Variants in CMPK2 observed in about 807,000 individuals in gnomAD.
The protein encoded by CMPK2 is UMP-CMP kinase 2, mitochondrial.
A neutral mutation model predicts 33.4 loss-of-function variants in CMPK2; 32 were observed. The ratio of observed to expected loss-of-function variants is 0.96; its 90% confidence interval spans 0.72 to 1.29. The LOEUF (loss-of-function observed/expected upper bound fraction) is 1.29. Among genes scored for constraint, CMPK2 ranks in the 50% most tolerant of loss-of-function variants. CMPK2 has a pLI of 0.00. For synonymous variants in CMPK2, 299 were observed against 275.3 expected (o/e 1.09, Z -0.85); for missense variants, 672 against 616.0 (o/e 1.09, Z -0.96).
At chr2:6,862,806 C>A (rs1388717123) in intron 2 of CMPK2, among the ~76,000 whole-genome samples, 3 of 152,200 alleles carry the variant, frequency 2.0e-5, no homozygotes, top group Admixed American at 2.0e-4. Context: ...GTCTGTACCC[C>A]TCAAGTTTAC....
rs749347074 is a variant in CMPK2 at position 6,849,868 on chromosome 2, A to G, written c.1332T>C (p.Asn444=). 18 of 1,613,894 alleles carry G rather than the reference A, an allele frequency of 1.1e-5. No homozygotes were observed. The highest frequency in any genetic ancestry group is 5.3e-5 in the African/African-American group (4 of 74,920). The change falls in exon 5 of 5, where the codon AAT becomes AAC. Residue 444 remains asparagine (N), a synonymous_variant. Transcript: ENST00000256722. The part of the protein sequence containing the change: ...VLQTVLSLIQ[N]SFSEP ...AGAGTAACTACGGTTCACTAAAACT[A>G]TTCTGGATTAGGCTTAATACCGTCT... is the stretch of plus-strand genomic sequence containing the variant.
downstream of CMPK2, among the ~76,000 whole-genome samples, chr2:6,847,907 G>C (rs567496668): frequency 6.6e-6 from 1 of 152,298 alleles, no homozygotes; most frequent in East Asian, 1.9e-4. Context: ...AAGAAAGGAA[G>C]AATAAATTTT....
intron 3 of CMPK2, among the ~76,000 whole-genome samples, chr2:6,853,092 G>A (rs1310653136): frequency 1.3e-5 from 2 of 152,102 alleles, no homozygotes; most frequent in Non-Finnish European, 2.9e-5. Flanking sequence ...TGGGATTACA[G>A]GCATGCACCA....
intron 4 of CMPK2, among the ~76,000 whole-genome samples, chr2:6,850,218 T>A (rs916217608): frequency 7.9e-5 from 12 of 152,190 alleles, no homozygotes; most frequent in Non-Finnish European, 1.8e-4. Context: ...GCATTTTGCA[T>A]GATTTTTCTC....
At chr2:6,861,093 T>TACACACAC (rs1299249257) in intron 3 of CMPK2, 91 bp downstream of exon 3, 107 of 235,406 alleles carry the variant, frequency 4.5e-4, no homozygotes, top group Middle Eastern at 1.3e-3. Context: ...CATGTACGTA[T>TACACACAC]ACACACACAC....
rs1457503878 is a variant in CMPK2 at position 6,861,402 on chromosome 2, A to G, written c.791-17T>C. 2.5e-6 allele frequency: 4 copies of G among 1,600,116 alleles called. No homozygotes were observed. Among genetic ancestry groups the G allele is most frequent in the African/African-American group, 1.3e-5 (1 of 74,640 alleles). ...TGGTTTTACCTGCAGGTCATACACA[A>G]AATATATACATCTTAACCACAGCCC... On this transcript the variant is annotated splice_polypyrimidine_tract_variant and intron_variant, in intron 2 of 4. Coordinates refer to ENST00000256722, the MANE Select transcript of CMPK2 (RefSeq NM_207315.4).
Position 6,865,016 on chromosome 2 carries a change from T to C in CMPK2, c.675+6A>G. 7.0e-7 allele frequency: 1 copy of C among 1,419,208 alleles called. No individual in the cohort carries two copies. The allele number at this position is 1,419,208 out of a possible 1,614,324, so 87.9% of individuals were successfully genotyped here. A position where few individuals can be genotyped will look rare whatever the true frequency, so the allele number is the denominator to read the frequency against. On this transcript the variant is annotated splice_donor_region_variant and intron_variant, in intron 1 of 4. Transcript: ENST00000256722. ...GCTGGGAGCTGGAAGCGGACAGAAC[T>C]CTTACCTCCTCCAAAACGGCCCGGG...
intron 3 of CMPK2, among the ~76,000 whole-genome samples, chr2:6,842,987 C>A (rs1662269041): frequency 6.6e-6 from 1 of 152,128 alleles, no homozygotes; most frequent in Non-Finnish European, 1.5e-5. Context: ...AGCCTCAGTG[C>A]ATTTTTGAGA....
intron 3 of CMPK2, among the ~76,000 whole-genome samples, chr2:6,858,768 G>A (rs1055254417): frequency 3.3e-5 from 5 of 152,320 alleles, no homozygotes; most frequent in South Asian, 2.1e-4. Context: ...TCTCGTGTAC[G>A]TCTTTATCAG....
At position 6,848,340 on chromosome 2, in the gene CMPK2, T is replaced by G; in HGVS notation, c.*1510A>C. 1 of 985,044 alleles carries G rather than the reference T, an allele frequency of 1.0e-6. No homozygotes were observed. The highest frequency in any genetic ancestry group is 1.2e-6 in the Non-Finnish European group (1 of 829,556). The allele number at this position is 985,044 out of a possible 1,614,324, so 61.0% of individuals were successfully genotyped here. ...ATAGATTAGTAAACCACAGCAAAGTTTATTCATGTGCCAGGGACATAAAGA... is the reference window on the plus strand; with the variant it reads ...ATAGATTAGTAAACCACAGCAAAGTGTATTCATGTGCCAGGGACATAAAGA... On this transcript the variant is annotated 3_prime_UTR_variant, in exon 5 of 5. Coordinates refer to ENST00000256722, the MANE Select transcript of CMPK2 (RefSeq NM_207315.4).
Position 6,851,430 on chromosome 2 carries a change from C to T in CMPK2, c.1226+20G>A. On this transcript the variant is annotated intron_variant, in intron 4 of 4. Transcript: ENST00000256722. ...TCAGGAATGCCTGCCGCTCACATTG[C>T]ATTGCACTGGGACACCTACTTTTGA... The T allele has an allele frequency of 6.2e-7, 1 of 1,614,140 alleles. No homozygotes were observed. Among genetic ancestry groups the T allele is most frequent in the East Asian group, 2.2e-5 (1 of 44,896 alleles).
chr2:6,865,984 G>A (rs925431329), upstream of CMPK2: 3 of 869,364 alleles, frequency 3.5e-6, no homozygotes, highest in Non-Finnish European at 4.7e-6. Flanking sequence ...GGGCCTGCGC[G>A]GTCCCCAGGC....
intron 3 of CMPK2, among the ~76,000 whole-genome samples, chr2:6,842,514 T>C (rs1397819333): frequency 1.3e-5 from 2 of 152,220 alleles, no homozygotes; most frequent in Non-Finnish European, 2.9e-5. Flanking sequence ...AGTTCCTTGC[T>C]TAGGTTACTG....
chr2:6,851,672 C>T lies in CMPK2; in HGVS notation c.1004G>A (p.Ser335Asn). The change falls in exon 4 of 5, where the codon AGC becomes AAC. Residue 335 changes from serine (S) to asparagine (N), a missense_variant. Transcript: ENST00000256722. Reference protein sequence around the residue: ...SPVIVDRYWHSTATYAIATEV... With the variant: ...SPVIVDRYWHNTATYAIATEV... The stretch of plus-strand genomic sequence containing the variant: ...AGTGGCTATGGCATAGGTGGCCGTG[C>T]TGTGCCAGTACCTGAGAAGGAATGG... 6.2e-7 allele frequency: 1 copy of T among 1,614,086 alleles called. No homozygotes were observed. Among genetic ancestry groups the T allele is most frequent in the South Asian group, 1.1e-5 (1 of 91,074 alleles).
chr2:6,846,775 C>T (rs905557796), downstream of CMPK2, among the ~76,000 whole-genome samples: 10 of 152,100 alleles, frequency 6.6e-5, no homozygotes, highest in Non-Finnish European at 1.0e-4. Flanking sequence ...TGAAAGCAAA[C>T]TAGACTGGAA....
At chr2:6,861,665 C>T (rs1662886890) in intron 2 of CMPK2, among the ~76,000 whole-genome samples, 1 of 152,176 alleles carries the variant, frequency 6.6e-6, no homozygotes, top group Admixed American at 6.5e-5. Flanking sequence ...AGCCCAGCTA[C>T]TGCTCACCCT....
At chr2:6,861,034 T>G (rs1231524016) in intron 3 of CMPK2, 150 bp downstream of exon 3, 4 of 637,674 alleles carry the variant, frequency 6.3e-6, no homozygotes, top group African/African-American at 5.5e-5. Flanking sequence ...ATTCCTATTA[T>G]TATCATAATA....
Position 6,849,388 on chromosome 2 carries a change from C to G in CMPK2, c.*462G>C, listed in dbSNP as rs1008712146. The G allele has an allele frequency of 1.4e-5, 14 of 988,200 alleles. No individual in the cohort carries two copies. The highest frequency in any genetic ancestry group is 1.7e-5 in the Non-Finnish European group (14 of 832,004). The allele number at this position is 988,200 out of a possible 1,614,324, so 61.2% of individuals were successfully genotyped here. A position where few individuals can be genotyped will look rare whatever the true frequency, so the allele number is the denominator to read the frequency against. ...ACTGAGGGAGATGCAGCGAGCCCAT[C>G]ATGACGAGTGCAACCAGATGTGGAA... On this transcript the variant is annotated 3_prime_UTR_variant, in exon 5 of 5. Coordinates refer to ENST00000256722, the MANE Select transcript of CMPK2 (RefSeq NM_207315.4).
rs2103226977 is a variant in CMPK2, at chr2:6,861,304, C to T, written c.872G>A (p.Trp291Ter). ...LKSPPSCIGQWRKIFDDEPTI... is the reference protein window; with the variant it reads ...LKSPPSCIGQ ...TGGTTCATCATCAAAGATCTTCCTC[C>T]ACTGGCCAATGCAAGAGGGTGGTGA... The change falls in exon 3 of 5, where the codon TGG becomes TAG. Residue 291 changes from tryptophan to a stop codon, truncating the protein, a stop_gained. Coordinates refer to ENST00000256722, the MANE Select transcript of CMPK2 (RefSeq NM_207315.4). LOFTEE classifies it high-confidence loss of function. 3 of 1,614,124 alleles carry T rather than the reference C, an allele frequency of 1.9e-6. No homozygotes were observed. The highest frequency in any genetic ancestry group is 8.5e-7 in the Non-Finnish European group (1 of 1,180,002).
Sources: gnomAD v4.1 joint callset for allele counts (sites outside exome capture counted in the v4.1 genomes callset) on GRCh38, gnomAD v4.1.1 for gene constraint, MANE v1.5 for transcripts, NCBI Gene and HGNC (gene_info 2026-07-23, HGNC 2026-07-21) for gene names.